CENPP: variants seen among roughly 807,000 people sequenced by gnomAD.
The protein encoded by CENPP is centromere protein P.
In CENPP, 24 loss-of-function variants were observed where a neutral mutation model predicts 35.6. The ratio of observed to expected loss-of-function variants is 0.67; its 90% CI spans 0.49 to 0.95. CENPP has a LOEUF of 0.95. CENPP is among the 40% of genes least tolerant of loss of function. The pLI is 0.00. For missense variants in CENPP, 332 were observed against 345.3 expected, an observed-to-expected ratio of 0.96 and a Z score of 0.31; for synonymous variants, 120 against 125.5, an observed-to-expected ratio of 0.96 and a Z score of 0.29.
chr9:92,581,075 G>A (rs1186906721), intron 5 of CENPP, among the ~76,000 whole-genome samples: 3 of 152,140 alleles, frequency 2.0e-5, no homozygotes, highest in East Asian at 1.9e-4. Flanking sequence ...TAGTCATTCA[G>A]GAGCAGGTTG....
chr9:92,549,658 A>C (rs1028516691), intron 5 of CENPP, among the ~76,000 whole-genome samples: 1 of 143,526 alleles, frequency 7.0e-6, no homozygotes, highest in Non-Finnish European at 1.5e-5. Context: ...AAAAAAAAAA[A>C]CAAAACAAAA....
At chr9:92,441,969 TAGAG>T (rs904298670) in intron 5 of CENPP, among the ~76,000 whole-genome samples, 25 of 152,218 alleles carry the variant, frequency 1.6e-4, no homozygotes, top group African/African-American at 5.5e-4. Flanking sequence ...TTTTAAAAAG[TAGAG>T]AGAGGTATTC....
chr9:92,578,210 T>C (rs1273627057), intron 5 of CENPP, among the ~76,000 whole-genome samples: 1 of 152,068 alleles, frequency 6.6e-6, no homozygotes, highest in Non-Finnish European at 1.5e-5. Flanking sequence ...TGTTGGGCAT[T>C]TGGGTTGGTT....
At chr9:92,415,336 TA>T (rs1193643004) in intron 5 of CENPP, 5 of 1,613,698 alleles carry the variant, frequency 3.1e-6, no homozygotes, top group Admixed American at 3.3e-5. Flanking sequence ...TTCACCATAA[TA>T]AATAGTGTGT....
intron 5 of CENPP, among the ~76,000 whole-genome samples, chr9:92,491,192 T>C (rs1175618505): frequency 2.0e-5 from 3 of 152,286 alleles, no homozygotes; most frequent in Non-Finnish European, 2.9e-5. Context: ...ACCTAACTAA[T>C]AATTCCAGAT....
intron 5 of CENPP, among the ~76,000 whole-genome samples, chr9:92,596,345 G>A (rs1850779385): frequency 3.4e-5 from 5 of 148,554 alleles, no homozygotes; most frequent in East Asian, 2.0e-4. Flanking sequence ...TGCCCAGACC[G>A]GTTAGTTTTT....
rs1162395414 is a variant in CENPP, at chr9:92,332,298, G to A, written c.236G>A (p.Arg79Lys). Residue 79 changes from arginine to lysine, a missense_variant, in exon 2 of 8, where the codon AGA becomes AAA. By Grantham distance (26) the Arg-to-Lys change is conservative. Coordinates refer to ENST00000375587, the MANE Select transcript of CENPP (RefSeq NM_001012267.3). The stretch of plus-strand genomic sequence containing the variant: ...AGTACGCTTACTGGCATCAATATAA[G>A]AAATCACTCCAAGCAGACAGAAGAC... ...FLSTLTGINIRNHSKQTEDLT... is the reference protein window; with the variant it reads ...FLSTLTGINIKNHSKQTEDLT... 1.9e-6 allele frequency: 3 copies of A among 1,610,650 alleles called. No homozygotes were observed. The highest frequency in any genetic ancestry group is 2.5e-6 in the Non-Finnish European group (3 of 1,178,696).
intron 5 of CENPP, among the ~76,000 whole-genome samples, chr9:92,569,542 A>T (rs1042189838): frequency 2.6e-5 from 4 of 152,164 alleles, no homozygotes; most frequent in African/African-American, 9.6e-5. Flanking sequence ...CTTTTTGCTT[A>T]GGATTGTCTT....
chr9:92,375,863 T>C (rs1283723373), intron 4 of CENPP, among the ~76,000 whole-genome samples: 2 of 152,096 alleles, frequency 1.3e-5, no homozygotes, highest in African/African-American at 2.4e-5. Flanking sequence ...TTCTTTTTTT[T>C]TTTTTCCTAT....
intron 5 of CENPP, among the ~76,000 whole-genome samples, chr9:92,602,490 T>C (rs1486882007): frequency 1.3e-5 from 2 of 152,176 alleles, no homozygotes; most frequent in Non-Finnish European, 2.9e-5. Context: ...CAACTCAGCA[T>C]GGATATGCAG....
chr9:92,354,327 T>A (rs1564275015), intron 4 of CENPP, among the ~76,000 whole-genome samples: 1 of 151,922 alleles, frequency 6.6e-6, no homozygotes, highest in Admixed American at 6.6e-5. Context: ...ATATCGGGGG[T>A]CAGTGTTGAT....
chr9:92,339,123 G>C (rs550552032), intron 3 of CENPP, among the ~76,000 whole-genome samples: 4 of 152,214 alleles, frequency 2.6e-5, no homozygotes, highest in Non-Finnish European at 5.9e-5. Flanking sequence ...ACAGGGAAGG[G>C]CTGTCAGGCT....
At chr9:92,610,184 T>C (rs1451036869) in intron 5 of CENPP, among the ~76,000 whole-genome samples, 1 of 152,206 alleles carries the variant, frequency 6.6e-6, no homozygotes, top group Non-Finnish European at 1.5e-5. Flanking sequence ...GCCTCCTGAG[T>C]GGCTGGGACT....
chr9:92,535,790 A>G (rs1849133804), intron 5 of CENPP: 1 of 264,566 alleles, frequency 3.8e-6, no homozygotes, highest in African/African-American at 2.3e-5. Context: ...AAAAACAAAC[A>G]GAATAATGCA....
chr9:92,416,782 A>G (rs1843626270), intron 5 of CENPP: 3 of 1,613,862 alleles, frequency 1.9e-6, no homozygotes, highest in East Asian at 2.2e-5. Flanking sequence ...TTAGAGTATG[A>G]AGTTTTGGAA....
Position 92,333,377 on chromosome 9 carries a change from C to T in CENPP, c.289+1026C>T, listed in dbSNP as rs572245156. Among the ~76,000 whole-genome samples the T allele has an allele frequency of 1.1e-4, 16 of 152,218 alleles. No homozygotes were observed. In the East Asian group the frequency reaches 3.1e-3, roughly 29 times the overall value. ...TTACTTGAAAGGAAGAGATGGAATG[C>T]AGAGAGAATAGAGAATGAGGATAGG... On this transcript the variant is annotated intron_variant, in intron 2 of 7. Coordinates refer to ENST00000375587, the MANE Select transcript of CENPP (RefSeq NM_001012267.3).
Position 92,616,594 on chromosome 9 carries a change from T to A in CENPP, c.*3445T>A, listed in dbSNP as rs1464684456. 6.5e-6 allele frequency: 1 copy of A among 153,642 alleles called. No homozygotes were observed. Among genetic ancestry groups the A allele is most frequent in the Non-Finnish European group, 1.4e-5 (1 of 69,094 alleles). The allele number at this position is 153,642 out of a possible 1,614,324, so 9.5% of individuals were successfully genotyped here. A position where few individuals can be genotyped will look rare whatever the true frequency, so the allele number is the denominator to read the frequency against. ...GAAACGCAAGCTCCTTTGGTTCACATTTGAAGAGATCTGGTTTCTCATTTT... is the reference window on the plus strand; with the variant it reads ...GAAACGCAAGCTCCTTTGGTTCACAATTGAAGAGATCTGGTTTCTCATTTT... On this transcript the variant is annotated 3_prime_UTR_variant, in exon 8 of 8. Transcript: ENST00000375587.
At chr9:92,511,315 CG>C (rs1847325549) in intron 5 of CENPP, among the ~76,000 whole-genome samples, 1 of 151,912 alleles carries the variant, frequency 6.6e-6, no homozygotes, top group Admixed American at 6.6e-5. Context: ...TTAGTAGAGA[CG>C]GGGTTTCACC....
At chr9:92,364,583 C>T (rs531230177) in intron 4 of CENPP, among the ~76,000 whole-genome samples, 3 of 152,106 alleles carry the variant, frequency 2.0e-5, no homozygotes, top group Non-Finnish European at 4.4e-5. Flanking sequence ...GTGTTGGATA[C>T]ACAACTCTAT....
Sources: gnomAD v4.1 joint callset for allele counts (sites outside exome capture counted in the v4.1 genomes callset) on GRCh38, gnomAD v4.1.1 for gene constraint, MANE v1.5 for transcripts, NCBI Gene and HGNC (gene_info 2026-07-23, HGNC 2026-07-21) for gene names.